SLC14A2: variants seen among roughly 807,000 people sequenced by gnomAD.
SLC14A2 encodes solute carrier family 14 member 2, also known as urea transporter 2.
A neutral mutation model predicts 104.6 loss-of-function variants in SLC14A2; 91 were observed. The observed-to-expected ratio is 0.87, with a 90% CI of 0.73 to 1.04. The LOEUF is 1.04. Among genes scored for constraint, SLC14A2 ranks in the 50% least tolerant of loss-of-function variants. The pLI is 0.00. For synonymous variants in SLC14A2, 476 were observed against 466.4 expected (o/e 1.02, Z -0.27); for missense variants, 1,189 against 1,156.0 (o/e 1.03, Z -0.41).
chr18:45,504,831 G>T (rs2043256708), intron 2 of SLC14A2, among the ~76,000 whole-genome samples: 4 of 152,156 alleles, frequency 2.6e-5, no homozygotes, highest in Admixed American at 2.0e-4. Flanking sequence ...GTGGACATTA[G>T]TTGGATCTTT....
intron 1 of SLC14A2, among the ~76,000 whole-genome samples, chr18:45,407,419 G>T (rs1399764016): frequency 6.6e-6 from 1 of 152,136 alleles, no homozygotes; most frequent in East Asian, 1.9e-4. Context: ...TTGTGGCTGG[G>T]TTGATCTTCT....
intron 1 of SLC14A2, among the ~76,000 whole-genome samples, chr18:45,264,536 A>T (rs2084572450): frequency 6.6e-6 from 1 of 152,196 alleles, no homozygotes; most frequent in Non-Finnish European, 1.5e-5. Context: ...TTATAAAAAG[A>T]GGTTTAATGG....
intron 1 of SLC14A2, among the ~76,000 whole-genome samples, chr18:45,386,961 C>T (rs1290563145): frequency 6.6e-6 from 1 of 152,208 alleles, no homozygotes. Context: ...GTCTGAATTA[C>T]TCACTATGAC....
intron 2 of SLC14A2, among the ~76,000 whole-genome samples, chr18:45,599,566 T>C (rs986376348): frequency 9.2e-5 from 14 of 152,292 alleles, no homozygotes; most frequent in African/African-American, 2.9e-4. Flanking sequence ...CCATGGAACA[T>C]GATTGTGTCT....
intron 1 of SLC14A2, among the ~76,000 whole-genome samples, chr18:45,324,476 T>G (rs1243481429): frequency 6.6e-6 from 1 of 152,086 alleles, no homozygotes; most frequent in Non-Finnish European, 1.5e-5. Flanking sequence ...GCCTCTGAAC[T>G]CCATCCTGGC....
At chr18:45,212,218 A>G (rs2083967628), upstream of SLC14A2, among the ~76,000 whole-genome samples, 1 of 152,230 alleles carries the variant, frequency 6.6e-6, no homozygotes, top group African/African-American at 2.4e-5. Flanking sequence ...TATAGTGCAC[A>G]TGTGAGTATA....
chr18:45,577,599 C>T (rs2044434086), intron 2 of SLC14A2, among the ~76,000 whole-genome samples: 1 of 152,154 alleles, frequency 6.6e-6, no homozygotes, highest in African/African-American at 2.4e-5. Flanking sequence ...AATCCAATTG[C>T]CCATCTGTTA....
intron 1 of SLC14A2, among the ~76,000 whole-genome samples, chr18:45,272,317 A>G (rs576601466): frequency 1.3e-5 from 2 of 152,266 alleles, no homozygotes; most frequent in Non-Finnish European, 2.9e-5. Flanking sequence ...ACTGTTTACA[A>G]TAGCCAAGAT....
intron 1 of SLC14A2, among the ~76,000 whole-genome samples, chr18:45,355,831 G>A (rs548582490): frequency 1.3e-5 from 2 of 152,094 alleles, no homozygotes; most frequent in African/African-American, 2.4e-5. Context: ...ATTTCTGAGC[G>A]GACAGTCAAG....
intron 1 of SLC14A2, among the ~76,000 whole-genome samples, chr18:45,285,698 T>C (rs1047403409): frequency 4.9e-5 from 7 of 142,398 alleles, no homozygotes; most frequent in African/African-American, 1.8e-4. Flanking sequence ...GTGCTGGGAT[T>C]ACAGACGTGA....
intron 1 of SLC14A2, among the ~76,000 whole-genome samples, chr18:45,288,312 G>A (rs1211444803): frequency 6.6e-6 from 1 of 152,176 alleles, no homozygotes; most frequent in Admixed American, 6.5e-5. Flanking sequence ...TCTATATGTT[G>A]ACATGTGAGC....
chr18:45,330,458 T>G (rs893120639), intron 1 of SLC14A2, among the ~76,000 whole-genome samples: 2 of 152,126 alleles, frequency 1.3e-5, no homozygotes, highest in African/African-American at 2.4e-5. Context: ...TGTGTGTAAG[T>G]GATGATGGTG....
intron 1 of SLC14A2, among the ~76,000 whole-genome samples, chr18:45,246,195 A>G (rs959961519): frequency 6.6e-6 from 1 of 152,212 alleles, no homozygotes; most frequent in Non-Finnish European, 1.5e-5. Context: ...ATAGAGAGGA[A>G]AGGCCACGTG....
chr18:45,401,035 G>A (rs2086090333), intron 1 of SLC14A2, among the ~76,000 whole-genome samples: 1 of 152,166 alleles, frequency 6.6e-6, no homozygotes, highest in Admixed American at 6.5e-5. Context: ...GTGAGCAAGG[G>A]CCTTTAGAAG....
chr18:45,322,932 T>G (rs1183971678), intron 1 of SLC14A2, among the ~76,000 whole-genome samples: 1 of 152,192 alleles, frequency 6.6e-6, no homozygotes, highest in Non-Finnish European at 1.5e-5. Context: ...CACACAAACT[T>G]TTTCTAATAA....
At chr18:45,448,064 C>T (rs912000347) in intron 1 of SLC14A2, among the ~76,000 whole-genome samples, 1 of 152,232 alleles carries the variant, frequency 6.6e-6, no homozygotes, top group Non-Finnish European at 1.5e-5. Flanking sequence ...TATCCATGAT[C>T]ATTGCTGTGT....
intron 1 of SLC14A2, among the ~76,000 whole-genome samples, chr18:45,416,316 C>G (rs1025043872): frequency 7.0e-6 from 1 of 142,092 alleles, no homozygotes; most frequent in Non-Finnish European, 1.5e-5. Flanking sequence ...GCATTGTGAA[C>G]AGGTTGCCAT....
intron 1 of SLC14A2, among the ~76,000 whole-genome samples, chr18:45,237,256 G>T (rs1266172367): frequency 6.6e-6 from 1 of 152,162 alleles, no homozygotes; most frequent in Non-Finnish European, 1.5e-5. Context: ...TTTGACAGAA[G>T]TTCTTGGATA....
chr18:45,433,482 C>T (rs1315206643), intron 1 of SLC14A2, among the ~76,000 whole-genome samples: 1 of 152,184 alleles, frequency 6.6e-6, no homozygotes, highest in Non-Finnish European at 1.5e-5. Flanking sequence ...GATGGACATG[C>T]TTTCTTTATT....
Sources: gnomAD v4.1 joint callset for allele counts (sites outside exome capture counted in the v4.1 genomes callset) on GRCh38, gnomAD v4.1.1 for gene constraint, MANE v1.5 for transcripts, NCBI Gene and HGNC (gene_info 2026-07-23, HGNC 2026-07-21) for gene names.